SPATA17: variants seen among roughly 807,000 people sequenced by gnomAD.
SPATA17 encodes the protein spermatogenesis-associated protein 17.
Under a neutral mutation model 62.2 loss-of-function variants are expected in SPATA17, and 53 were observed. The observed-to-expected ratio is 0.85, with a 90% CI of 0.68 to 1.07. The LOEUF is 1.07. SPATA17 is among the 50% of genes least tolerant of loss of function. SPATA17 has a pLI of 0.00. For missense variants in SPATA17, 466 were observed against 425.5 expected (o/e 1.10, Z -0.84); for synonymous variants, 146 against 146.8 (o/e 0.99, Z 0.04).
intron 10 of SPATA17, among the ~76,000 whole-genome samples, chr1:217,865,570 A>G (rs145803804): frequency 9.8e-4 from 149 of 152,298 alleles, no homozygotes; most frequent in African/African-American, 3.2e-3. Context: ...GTAACTTTCA[A>G]TAGTTTCCCA....
chr1:217,793,061 G>T (rs1674038148), intron 8 of SPATA17, among the ~76,000 whole-genome samples: 1 of 152,104 alleles, frequency 6.6e-6, no homozygotes, highest in Non-Finnish European at 1.5e-5. Flanking sequence ...CTGTTCTTCA[G>T]TTAAAGAAAG....
intron 5 of SPATA17, among the ~76,000 whole-genome samples, chr1:217,727,247 C>CAATAATAATAATAAT (rs59885913): frequency 7.5e-6 from 1 of 132,776 alleles, no homozygotes; most frequent in Non-Finnish European, 1.6e-5. Flanking sequence ...AACTCCGTCT[C>CAATAATAATAATAAT]AATAATAATA....
chr1:217,635,047 G>T (rs1669906591), intron 1 of SPATA17, among the ~76,000 whole-genome samples: 1 of 152,148 alleles, frequency 6.6e-6, no homozygotes, highest in African/African-American at 2.4e-5. Flanking sequence ...GTGGAGAAAA[G>T]AGTTCAGTAT....
At chr1:217,828,961 A>C (rs1675066921) in intron 9 of SPATA17, among the ~76,000 whole-genome samples, 1 of 152,128 alleles carries the variant, frequency 6.6e-6, no homozygotes, top group Non-Finnish European at 1.5e-5. Context: ...GTGAGGGTGT[A>C]GAGAAAAGGG....
chr1:217,748,302 CAA>C (rs61324067), intron 6 of SPATA17, among the ~76,000 whole-genome samples: 6 of 106,250 alleles, frequency 5.6e-5, no homozygotes, highest in Admixed American at 2.1e-4. Context: ...GACTCCATCT[CAA>C]AAAAAAAAAA....
chr1:217,680,220 T>C (rs1181018074), intron 4 of SPATA17, among the ~76,000 whole-genome samples: 2 of 152,184 alleles, frequency 1.3e-5, no homozygotes, highest in African/African-American at 2.4e-5. Context: ...TTTGAAGCCA[T>C]CCAACCAGCT....
At chr1:217,680,477 G>T (rs561173084) in intron 4 of SPATA17, among the ~76,000 whole-genome samples, 16 of 152,028 alleles carry the variant, frequency 1.1e-4, no homozygotes, top group Non-Finnish European at 2.4e-4. Flanking sequence ...TATAATATTG[G>T]TAAAATTAGG....
In SPATA17 at chr1:217,640,544, C is replaced by G. The variant is rs182009407; in HGVS notation, c.69-8338C>G. Among the ~76,000 whole-genome samples, 3 of 152,018 alleles carry G rather than the reference C, an allele frequency of 2.0e-5. No individual in the cohort carries two copies. The East Asian group carries it at 5.8e-4, about 29-fold the overall frequency. Reference sequence around the variant, plus strand: ...TTTCTATTGGCCTCATAAAAATGCTCTTATGTGTACATAAGTTGTGTGTAA... The same window carrying G: ...TTTCTATTGGCCTCATAAAAATGCTGTTATGTGTACATAAGTTGTGTGTAA... On this transcript the variant is annotated intron_variant, in intron 1 of 10. Coordinates refer to ENST00000366933, the MANE Select transcript of SPATA17 (RefSeq NM_138796.4).
At chr1:217,665,035 A>T (rs1164178822) in intron 3 of SPATA17, among the ~76,000 whole-genome samples, 1 of 152,150 alleles carries the variant, frequency 6.6e-6, no homozygotes, top group Non-Finnish European at 1.5e-5. Context: ...AAGGGAAAGG[A>T]ATAGGGAGGG....
chr1:217,775,134 T>C (rs751297183), intron 7 of SPATA17, among the ~76,000 whole-genome samples: 28 of 152,220 alleles, frequency 1.8e-4, no homozygotes, highest in Non-Finnish European at 3.5e-4. Flanking sequence ...AGGGTTCCAA[T>C]TTCTCCACAT....
chr1:217,732,009 C>A (rs892863538), intron 5 of SPATA17, among the ~76,000 whole-genome samples: 3 of 151,918 alleles, frequency 2.0e-5, no homozygotes, highest in Non-Finnish European at 2.9e-5. Context: ...TTTCCATTTC[C>A]TTTCCTTCTA....
chr1:217,844,427 G>C (rs562445864), intron 9 of SPATA17, among the ~76,000 whole-genome samples: 1 of 152,032 alleles, frequency 6.6e-6, no homozygotes, highest in Non-Finnish European at 1.5e-5. Context: ...ACCAAGGCTC[G>C]TGGGACTGGA....
At chr1:217,690,416 T>A (rs1355003212) in intron 5 of SPATA17, among the ~76,000 whole-genome samples, 1 of 151,562 alleles carries the variant, frequency 6.6e-6, no homozygotes, top group Non-Finnish European at 1.5e-5. Flanking sequence ...TATTTTTCAT[T>A]TCTAAAAAGT....
At chr1:217,809,106 C>A (rs147788031) in intron 9 of SPATA17, among the ~76,000 whole-genome samples, 30 of 152,120 alleles carry the variant, frequency 2.0e-4, no homozygotes, top group African/African-American at 7.0e-4. Context: ...TTACTAAACT[C>A]TAAGAAACAT....
chr1:217,789,930 G>A (rs944127529), intron 8 of SPATA17, among the ~76,000 whole-genome samples: 3 of 152,110 alleles, frequency 2.0e-5, no homozygotes, highest in East Asian at 1.9e-4. Context: ...CCAGCTACTC[G>A]GGAGGCTGAG....
chr1:217,826,509 G>T (rs1363247909), intron 9 of SPATA17, among the ~76,000 whole-genome samples: 1 of 151,988 alleles, frequency 6.6e-6, no homozygotes, highest in Non-Finnish European at 1.5e-5. Flanking sequence ...TGAAACTCAA[G>T]ATAATTTTGT....
chr1:217,850,275 C>T (rs1675617603), intron 9 of SPATA17: 1 of 360,714 alleles, frequency 2.8e-6, no homozygotes, highest in South Asian at 4.8e-5. Flanking sequence ...GCAACAAAAC[C>T]TTTATTAACA....
intron 6 of SPATA17, among the ~76,000 whole-genome samples, chr1:217,752,630 T>C (rs1043190368): frequency 2.2e-4 from 33 of 152,234 alleles, no homozygotes; most frequent in African/African-American, 7.2e-4. Flanking sequence ...ATGTTGAATA[T>C]ATTTTTGAAA....
chr1:217,682,299 G>A (rs1671103016), intron 4 of SPATA17, among the ~76,000 whole-genome samples: 1 of 151,022 alleles, frequency 6.6e-6, no homozygotes, highest in South Asian at 2.1e-4. Flanking sequence ...GGTTCCTGGG[G>A]TTGTATAAGA....
Sources: allele counts gnomAD v4.1 joint callset (sites outside exome capture counted in the v4.1 genomes callset), GRCh38; gene constraint gnomAD v4.1.1; transcripts MANE v1.5; gene names NCBI Gene and HGNC (gene_info 2026-07-23, HGNC 2026-07-21).